The following C12orf54 variants were observed in gnomAD, a reference collection of about 807,000 sequenced individuals.
C12orf54 encodes uncharacterized protein C12orf54.
C12orf54 carries 24 observed loss-of-function variants against 26.4 expected under a neutral mutation model. The observed-to-expected ratio is 0.91, with a 90% CI of 0.66 to 1.28. The LOEUF is 1.28. Among genes scored for constraint, C12orf54 ranks in the 50% most tolerant of loss-of-function variants. The pLI is 0.00. For synonymous variants in C12orf54, 54 were observed against 47.0 expected (o/e 1.15, Z -0.61); for missense variants, 154 against 150.9 (o/e 1.02, Z -0.11).
the C12orf54 span, among the ~76,000 whole-genome samples, chr12:48,473,800 G>C: frequency 1.3e-5 from 2 of 152,108 alleles, no homozygotes; most frequent in Non-Finnish European, 2.9e-5. Flanking sequence ...TCTCAGTTTG[G>C]TTACTCAACA....
chr12:48,480,819 A>G (rs546249707), upstream of C12orf54, among the ~76,000 whole-genome samples: 83 of 152,332 alleles, frequency 5.4e-4, no homozygotes, highest in African/African-American at 1.9e-3. Context: ...GTGCCCATCA[A>G]TCATGGATGG....
the C12orf54 span, among the ~76,000 whole-genome samples, chr12:48,464,171 G>C: frequency 6.6e-6 from 1 of 152,106 alleles, no homozygotes; most frequent in East Asian, 1.9e-4. Flanking sequence ...CCTATATTTA[G>C]AAAACCCTAT....
At chr12:48,438,603 T>C in the C12orf54 span, among the ~76,000 whole-genome samples, 1 of 152,134 alleles carries the variant, frequency 6.6e-6, no homozygotes, top group Non-Finnish European at 1.5e-5. Context: ...TAATGATGCA[T>C]ATCTACAACT....
At chr12:48,417,160 G>T in the C12orf54 span, 3 of 152,168 alleles carry the variant, frequency 2.0e-5, no homozygotes, top group Non-Finnish European at 4.4e-5. Flanking sequence ...ATCCCAGAAA[G>T]AAGTGCATGG....
At chr12:48,429,919 A>G in the C12orf54 span, among the ~76,000 whole-genome samples, 9 of 152,190 alleles carry the variant, frequency 5.9e-5, no homozygotes, top group East Asian at 1.9e-4. Flanking sequence ...AAACTATACT[A>G]TAGGACCGTA....
the C12orf54 span, among the ~76,000 whole-genome samples, chr12:48,449,854 T>C: frequency 1.3e-5 from 2 of 152,118 alleles, no homozygotes; most frequent in East Asian, 3.8e-4. Context: ...TTGAATTGTA[T>C]CTCCTGGAAT....
chr12:48,487,791 T>C, intron 4 of C12orf54: 1 of 439,634 alleles, frequency 2.3e-6, no homozygotes, highest in Non-Finnish European at 4.1e-6. Flanking sequence ...CCAAACAAGA[T>C]ACAACCATCT....
At chr12:48,442,279 G>T in the C12orf54 span, 1 of 180,356 alleles carries the variant, frequency 5.5e-6, no homozygotes, top group South Asian at 1.4e-4. Flanking sequence ...TGATCCTCAG[G>T]ATGGTGGACA....
chr12:48,464,158 A>G, the C12orf54 span, among the ~76,000 whole-genome samples: 2 of 152,072 alleles, frequency 1.3e-5, no homozygotes, highest in Non-Finnish European at 2.9e-5. Flanking sequence ...CAGATGACAT[A>G]ATCCTATATT....
chr12:48,462,645 C>T, the C12orf54 span, among the ~76,000 whole-genome samples: 1 of 151,428 alleles, frequency 6.6e-6, no homozygotes, highest in Non-Finnish European at 1.5e-5. Context: ...TTAATATGTA[C>T]AGAAAAAGCA....
the C12orf54 span, among the ~76,000 whole-genome samples, chr12:48,427,654 G>A: frequency 2.4e-4 from 36 of 152,010 alleles, no homozygotes; most frequent in Non-Finnish European, 4.9e-4. Flanking sequence ...CACCTAACAC[G>A]GGAGCTCCCA....
the C12orf54 span, among the ~76,000 whole-genome samples, chr12:48,475,640 G>A: frequency 2.6e-5 from 4 of 152,148 alleles, no homozygotes; most frequent in African/African-American, 9.7e-5. Context: ...GGAAGAAAGG[G>A]TATCAGTGAT....
At chr12:48,415,648 C>A in the C12orf54 span, among the ~76,000 whole-genome samples, 1 of 152,148 alleles carries the variant, frequency 6.6e-6, no homozygotes, top group Non-Finnish European at 1.5e-5. Flanking sequence ...TGGCATGCTG[C>A]AGGTCTTCTT....
chr12:48,437,232 C>T, the C12orf54 span, among the ~76,000 whole-genome samples: 1 of 152,286 alleles, frequency 6.6e-6, no homozygotes, highest in Middle Eastern at 3.4e-3. Flanking sequence ...AGACCAATAA[C>T]AGGCTCTGAA....
the C12orf54 span, among the ~76,000 whole-genome samples, chr12:48,473,827 C>A: frequency 6.6e-6 from 1 of 152,210 alleles, no homozygotes; most frequent in Non-Finnish European, 1.5e-5. Context: ...AGGGTCTGAG[C>A]ACCAGCCATA....
intron 2 of C12orf54, among the ~76,000 whole-genome samples, chr12:48,484,364 T>C (rs183029885): frequency 2.6e-5 from 4 of 152,198 alleles, no homozygotes; most frequent in Non-Finnish European, 1.5e-5. Context: ...TGAATTCTCT[T>C]CCAGACAGCT....
At chr12:48,488,806 T>A (rs1272946742) in intron 4 of C12orf54, 118 bp from the exon 5 acceptor site, 1 of 827,266 alleles carries the variant, frequency 1.2e-6, no homozygotes, top group Non-Finnish European at 2.0e-6. Context: ...CTCTTGGCAT[T>A]CACATTCTAC....
intron 7 of C12orf54, 70 bp from the exon 8 acceptor site, chr12:48,494,728 G>A: frequency 6.6e-7 from 1 of 1,509,246 alleles, no homozygotes; most frequent in South Asian, 1.2e-5. Flanking sequence ...GGGCAGTGGA[G>A]GCCAGGAAGG....
At chr12:48,453,730 A>G in the C12orf54 span, among the ~76,000 whole-genome samples, 1 of 150,310 alleles carries the variant, frequency 6.7e-6, no homozygotes, top group African/African-American at 2.4e-5. Context: ...AAAACAAAAT[A>G]TTTTGCACAT....
Sources: gnomAD v4.1 joint callset for allele counts (sites outside exome capture counted in the v4.1 genomes callset) on GRCh38, gnomAD v4.1.1 for gene constraint, MANE v1.5 for transcripts, NCBI Gene and HGNC (gene_info 2026-07-23, HGNC 2026-07-21) for gene names.